HMGB1: variants seen among roughly 807,000 people sequenced by gnomAD.
HMGB1 encodes high mobility group protein B1.
For missense variants in HMGB1, 79 were observed against 253.5 expected, an observed-to-expected ratio of 0.31 and a Z score of 4.67; for synonymous variants, 81 against 84.0, an observed-to-expected ratio of 0.96 and a Z score of 0.19.
chr13:30,498,651 ATT>A (rs1887666372), intron 1 of HMGB1, among the ~76,000 whole-genome samples: 2 of 149,026 alleles, frequency 1.3e-5, no homozygotes, highest in Admixed American at 6.7e-5. Context: ...TATTATTATT[ATT>A]ATTATTATTA....
chr13:30,511,987 C>T (rs1432127670), intron 1 of HMGB1, among the ~76,000 whole-genome samples: 1 of 152,054 alleles, frequency 6.6e-6, no homozygotes, highest in Non-Finnish European at 1.5e-5. Context: ...AAAGTTGTTA[C>T]CTGAGATGCA....
intron 1 of HMGB1, among the ~76,000 whole-genome samples, chr13:30,505,382 G>T (rs570413694): frequency 2.0e-5 from 3 of 151,892 alleles, no homozygotes; most frequent in East Asian, 1.9e-4. Context: ...GTTTCACCGT[G>T]TTAGCCAGGA....
At position 30,460,872 on chromosome 13, in the gene HMGB1, A is replaced by C; in HGVS notation, c.*485T>G. On this transcript the variant is annotated 3_prime_UTR_variant, in exon 5 of 5. Coordinates refer to ENST00000341423, the MANE Select transcript of HMGB1 (RefSeq NM_002128.7). ...TTCCCCTCAAGAAGAAAAATTTCAGACCTATGAAAAGGACAACAATACTAA... is the reference window on the plus strand; with the variant it reads ...TTCCCCTCAAGAAGAAAAATTTCAGCCCTATGAAAAGGACAACAATACTAA... The C allele has an allele frequency of 2.5e-6, 1 of 399,982 alleles. No individual in the cohort carries two copies. The highest frequency in any genetic ancestry group is 3.4e-6 in the Non-Finnish European group (1 of 294,842). 24.8% of individuals were successfully genotyped at this position (399,982 alleles called of 1,614,324 possible). A position where few individuals can be genotyped will look rare whatever the true frequency, so the allele number is the denominator to read the frequency against.
intron 1 of HMGB1, among the ~76,000 whole-genome samples, chr13:30,580,422 G>T (rs1264481145): frequency 6.6e-6 from 1 of 152,140 alleles, no homozygotes; most frequent in Non-Finnish European, 1.5e-5. Flanking sequence ...AGGCTATCTG[G>T]AATCACCTTG....
At chr13:30,611,771 C>T (rs1298309406) in intron 1 of HMGB1, among the ~76,000 whole-genome samples, 1 of 151,132 alleles carries the variant, frequency 6.6e-6, no homozygotes, top group Admixed American at 6.6e-5. Flanking sequence ...TAAATACAAG[C>T]TTTTTGGCTC....
At chr13:30,521,826 T>A (rs1025576873) in intron 1 of HMGB1, among the ~76,000 whole-genome samples, 6 of 152,218 alleles carry the variant, frequency 3.9e-5, no homozygotes, top group Non-Finnish European at 7.3e-5. Flanking sequence ...CATTTTACAA[T>A]CCTACCAGCA....
At chr13:30,482,327 C>T (rs996805066) in intron 1 of HMGB1, among the ~76,000 whole-genome samples, 7 of 152,104 alleles carry the variant, frequency 4.6e-5, no homozygotes, top group Non-Finnish European at 8.8e-5. Context: ...CACACAAAAG[C>T]AACAGGGAGA....
At chr13:30,527,047 C>G (rs1377239794) in intron 1 of HMGB1, among the ~76,000 whole-genome samples, 1 of 152,206 alleles carries the variant, frequency 6.6e-6, no homozygotes. Flanking sequence ...GGGGCCGAGC[C>G]CGCCTTTTAA....
intron 1 of HMGB1, among the ~76,000 whole-genome samples, chr13:30,478,823 G>A (rs547644298): frequency 7.3e-5 from 11 of 151,340 alleles, no homozygotes; most frequent in South Asian, 4.2e-4. Context: ...TGAGCCACAC[G>A]GTGCCCAGCC....
chr13:30,486,248 C>T (rs1334578726), intron 1 of HMGB1, among the ~76,000 whole-genome samples: 2 of 152,272 alleles, frequency 1.3e-5, no homozygotes, highest in South Asian at 4.1e-4. Flanking sequence ...GAACCCATTT[C>T]GATTTCTTAC....
rs80258647 is a variant in HMGB1, at chr13:30,565,611, G to A, written c.-15+51060C>T. Reference sequence around the variant, plus strand: ...CATAAGCAAATCACCTGGAGATCTTGTTAAAATGCAAATTCTGATTAGGTT... The same window carrying A: ...CATAAGCAAATCACCTGGAGATCTTATTAAAATGCAAATTCTGATTAGGTT... On this transcript the variant is annotated intron_variant, in intron 1 of 4. Coordinates refer to the HMGB1 transcript ENST00000405805. Among the ~76,000 whole-genome samples the A allele has an allele frequency of 3.8e-3, 575 of 152,276 alleles. 2 individuals are homozygous for A. Among genetic ancestry groups the A allele is most frequent in the African/African-American group, 0.012 (482 of 41,560 alleles).
chr13:30,615,507 A>G lies in HMGB1; in HGVS notation c.-15+1164T>C, dbSNP rs1021707149. Among the ~76,000 whole-genome samples the G allele has an allele frequency of 4.2e-4, 64 of 152,210 alleles. 1 individual carries two copies. Among genetic ancestry groups the G allele is most frequent in the Admixed American group, 4.2e-3 (64 of 15,280 alleles). On this transcript the variant is annotated intron_variant, in intron 1 of 4. Transcript: ENST00000405805. ...TAAAGACTATATACAGCTTCTCAAT[A>G]GTTCAGGTCATATTTTGCTACCAAA...
chr13:30,572,602 A>G (rs1394833574), intron 1 of HMGB1, among the ~76,000 whole-genome samples: 1 of 152,222 alleles, frequency 6.6e-6, no homozygotes, highest in Non-Finnish European at 1.5e-5. Flanking sequence ...CCAGAGCAAG[A>G]TATCAGAAGG....
chr13:30,471,535 A>G (rs1469267026), intron 1 of HMGB1, among the ~76,000 whole-genome samples: 1 of 142,892 alleles, frequency 7.0e-6, no homozygotes, highest in East Asian at 2.3e-4. Flanking sequence ...TTGTATTTTT[A>G]GTAGAGACGG....
chr13:30,554,624 G>C (rs1253934404), intron 1 of HMGB1: 3 of 771,914 alleles, frequency 3.9e-6, no homozygotes, highest in Non-Finnish European at 7.2e-6. Context: ...GAACAGAATT[G>C]GTCTAGAAGA....
intron 1 of HMGB1, among the ~76,000 whole-genome samples, chr13:30,615,620 T>C (rs1950552924): frequency 2.0e-5 from 3 of 152,208 alleles, no homozygotes; most frequent in Non-Finnish European, 4.4e-5. Flanking sequence ...ACTGTACTCA[T>C]AGAGTGCTTC....
chr13:30,465,309 T>G (rs1450750590), intron 1 of HMGB1: 1 of 110,298 alleles, frequency 9.1e-6, no homozygotes, highest in South Asian at 3.2e-4. Flanking sequence ...CCCGCCCGGC[T>G]GGCCGCGCTC....
Position 30,578,365 on chromosome 13 carries a change from G to GTTTTTTTTTTTTTTTTTTTTTTTTTTTTT in HMGB1, c.-15+38305_-15+38306insAAAAAAAAAAAAAAAAAAAAAAAAAAAAA, listed in dbSNP as rs1475312645. ...AACTCAAGATCAGAGACCAGTTCTT[G>GTTTTTTTTTTTTTTTTTTTTTTTTTTTTT]TTCTTTTTTTTTTTTTTTTTTTTTT... On this transcript the variant is annotated intron_variant, in intron 1 of 4. Coordinates refer to the HMGB1 transcript ENST00000405805. Among the ~76,000 whole-genome samples, 3 of 67,074 alleles carry GTTTTTTTTTTTTTTTTTTTTTTTTTTTTT rather than the reference G, an allele frequency of 4.5e-5. 1 individual carries two copies. The highest frequency in any genetic ancestry group is 3.0e-5 in the Non-Finnish European group (1 of 33,024). The allele number at this position is 67,074 out of a possible 152,430, so 44.0% of individuals were successfully genotyped here.
chr13:30,597,219 C>T (rs1279638698), intron 1 of HMGB1, among the ~76,000 whole-genome samples: 3 of 106,292 alleles, frequency 2.8e-5, no homozygotes, highest in African/African-American at 1.9e-4. Context: ...GACCAGTGTC[C>T]TTATAAAAAA....
Sources: gnomAD v4.1 joint callset for allele counts (sites outside exome capture counted in the v4.1 genomes callset) on GRCh38, gnomAD v4.1.1 for gene constraint, MANE v1.5 for transcripts, NCBI Gene and HGNC (gene_info 2026-07-23, HGNC 2026-07-21) for gene names.